The following ADCYAP1R1 variants were observed in gnomAD, a reference collection of about 807,000 sequenced individuals.
ADCYAP1R1 encodes ADCYAP receptor type I, also known as pituitary adenylate cyclase-activating polypeptide type I receptor.
ADCYAP1R1 carries 44 observed loss-of-function variants against 67.6 expected under a neutral mutation model. The observed-to-expected ratio is 0.65, with a 90% CI of 0.51 to 0.84. The LOEUF (loss-of-function observed/expected upper bound fraction) is 0.84, where lower values mean the gene tolerates loss of function less well. Ranked by LOEUF, ADCYAP1R1 falls within the 40% of genes least tolerant of loss-of-function variation. The pLI, the probability that ADCYAP1R1 is intolerant of heterozygous loss-of-function variation, is 0.00. For synonymous variants in ADCYAP1R1, 222 were observed against 219.6 expected (o/e 1.01, Z -0.10); for missense variants, 477 against 587.9 (o/e 0.81, Z 1.95).
intron 13 of ADCYAP1R1, among the ~76,000 whole-genome samples, chr7:31,101,320 C>G (rs1392587789): frequency 6.6e-6 from 1 of 152,168 alleles, no homozygotes; most frequent in Admixed American, 6.5e-5. Flanking sequence ...AATTCCACCA[C>G]AGAAGCTGGA....
chr7:31,055,366 C>A (rs962762954), intron 1 of ADCYAP1R1, among the ~76,000 whole-genome samples: 1 of 151,484 alleles, frequency 6.6e-6, no homozygotes, highest in South Asian at 2.1e-4. Flanking sequence ...TGTGCACGCG[C>A]GTGTTGCATA....
intron 1 of ADCYAP1R1, among the ~76,000 whole-genome samples, chr7:31,061,421 C>G (rs1794496447): frequency 6.6e-6 from 1 of 152,212 alleles, no homozygotes; most frequent in Admixed American, 6.5e-5. Flanking sequence ...CTGTGGCCAC[C>G]AGGGGCGTGG....
intron 1 of ADCYAP1R1, among the ~76,000 whole-genome samples, chr7:31,062,281 GT>G (rs1794538040): frequency 6.6e-6 from 1 of 152,040 alleles, no homozygotes; most frequent in Non-Finnish European, 1.5e-5. Flanking sequence ...TGTCTCTCTG[GT>G]CCCCACCAGT....
intron 3 of ADCYAP1R1, among the ~76,000 whole-genome samples, chr7:31,068,538 G>C (rs1030787387): frequency 8.5e-5 from 13 of 152,194 alleles, no homozygotes; most frequent in Admixed American, 8.5e-4. Context: ...CTGGAAAGAG[G>C]CCTTGGGAGA....
chr7:31,076,081 G>A (rs1795199405), intron 3 of ADCYAP1R1, among the ~76,000 whole-genome samples: 1 of 152,214 alleles, frequency 6.6e-6, no homozygotes, highest in Non-Finnish European at 1.5e-5. Flanking sequence ...CAGGCAACTA[G>A]CTGTGGGCTC....
intron 12 of ADCYAP1R1, 39 bp downstream of exon 12, chr7:31,087,735 G>T (rs1018076626): frequency 6.4e-7 from 1 of 1,573,972 alleles, no homozygotes; most frequent in African/African-American, 1.4e-5. Context: ...GAAGAGACAG[G>T]GTCTTGGGCA....
Position 31,106,642 on chromosome 7 carries a change from A to T in ADCYAP1R1, c.1365A>T (p.Gln455His), listed in dbSNP as rs372202268. 6.2e-7 allele frequency: 1 copy of T among 1,612,862 alleles called. No individual in the cohort carries two copies. The highest frequency in any genetic ancestry group is 1.3e-5 in the African/African-American group (1 of 75,030). The change falls in exon 16 of 16, where the codon CAA becomes CAT. Residue 455 changes from glutamine (Q) to histidine (H), a missense_variant. Physicochemically the swap from Gln to His is conservative, Grantham distance 24 (BLOSUM62 0). Coordinates refer to ENST00000304166, the MANE Select transcript of ADCYAP1R1 (RefSeq NM_001118.5). ...CCATCCTGAGCAAGAGCAGCTCCCA[A>T]ATCCGCATGTCTGGCCTCCCTGCTG... Reference protein sequence around the residue: ...QLSILSKSSSQIRMSGLPADN... With the variant: ...QLSILSKSSSHIRMSGLPADN...
chr7:31,071,720 C>A (rs1794988823), intron 3 of ADCYAP1R1, among the ~76,000 whole-genome samples: 1 of 152,164 alleles, frequency 6.6e-6, no homozygotes, highest in Non-Finnish European at 1.5e-5. Flanking sequence ...ACTAGAAAAA[C>A]CATCCATGTC....
chr7:31,064,396 A>G (rs1562629048), intron 2 of ADCYAP1R1, among the ~76,000 whole-genome samples: 1 of 152,226 alleles, frequency 6.6e-6, no homozygotes, highest in Non-Finnish European at 1.5e-5. Flanking sequence ...CTACTGAGCC[A>G]TATGACTTTG....
Position 31,103,862 on chromosome 7 carries a change from A to G in ADCYAP1R1, c.1176+496A>G, listed in dbSNP as rs140047875. Among the ~76,000 whole-genome samples the G allele has an allele frequency of 2.6e-5, 4 of 152,234 alleles. No homozygotes were observed. The East Asian group carries it at 7.7e-4, about 29-fold the overall frequency. On this transcript the variant is annotated intron_variant, in intron 14 of 15. Transcript: ENST00000304166. Reference sequence around the variant, plus strand: ...TGCTGCCTTAGTGCCTGGAGGAAGGAGTGGATGGACTGGAAATGAGTAAGG... The same window carrying G: ...TGCTGCCTTAGTGCCTGGAGGAAGGGGTGGATGGACTGGAAATGAGTAAGG...
chr7:31,056,251 TG>T (rs1202767122), intron 1 of ADCYAP1R1, among the ~76,000 whole-genome samples: 1 of 151,998 alleles, frequency 6.6e-6, no homozygotes, highest in African/African-American at 2.4e-5. Context: ...CTGGAGGTGG[TG>T]GTGGGGGTTT....
At position 31,052,526 on chromosome 7, in the gene ADCYAP1R1, C is replaced by A. The variant is rs1794054579; in HGVS notation, c.-224C>A. The A allele has an allele frequency of 6.6e-6, 1 of 150,880 alleles. No homozygotes were observed. Among genetic ancestry groups the A allele is most frequent in the South Asian group, 2.1e-4 (1 of 4,832 alleles). 9.3% of individuals were successfully genotyped at this position (150,880 alleles called of 1,614,324 possible). ...CGCAGGGACACACGGACCCCGGCCGCCAGCCGGCCACACAGGCGCGGAGAC... is the reference window on the plus strand; with the variant it reads ...CGCAGGGACACACGGACCCCGGCCGACAGCCGGCCACACAGGCGCGGAGAC... On this transcript the variant is annotated 5_prime_UTR_variant, in exon 1 of 16. Coordinates refer to ENST00000304166, the MANE Select transcript of ADCYAP1R1 (RefSeq NM_001118.5).
In ADCYAP1R1 at chr7:31,100,238, C is replaced by T. The variant is rs766805603; in HGVS notation, c.1047-2999C>T. The T allele has an allele frequency of 9.2e-5, 143 of 1,548,510 alleles. 2 individuals are homozygous for T. Among genetic ancestry groups the T allele is most frequent in the South Asian group, 7.7e-4 (65 of 83,984 alleles). On this transcript the variant is annotated intron_variant, in intron 13 of 15. Coordinates refer to ENST00000304166, the MANE Select transcript of ADCYAP1R1 (RefSeq NM_001118.5). ...AAGTGTGCGTGGCCGAGGCTGTGGC[C>T]GGGAATCCTGGAGGGGTGGGGGACG...
At chr7:31,057,702 C>A (rs1291741324) in intron 1 of ADCYAP1R1, among the ~76,000 whole-genome samples, 1 of 152,208 alleles carries the variant, frequency 6.6e-6, no homozygotes, top group Non-Finnish European at 1.5e-5. Context: ...TCTGTCCCTC[C>A]CTTTGAGGGG....
intron 6 of ADCYAP1R1, among the ~76,000 whole-genome samples, chr7:31,082,876 T>C (rs1376252752): frequency 2.6e-5 from 4 of 152,282 alleles, no homozygotes; most frequent in African/African-American, 9.6e-5. Flanking sequence ...AGTTCATTTC[T>C]GACTTTCTTG....
At chr7:31,075,610 G>A (rs887703) in intron 3 of ADCYAP1R1, among the ~76,000 whole-genome samples, 89,721 of 151,838 alleles carry the variant, frequency 0.59, 27,221 homozygotes, top group East Asian at 0.75. Flanking sequence ...GAGCTGTCTC[G>A]TCCCATGGCC....
intron 13 of ADCYAP1R1, among the ~76,000 whole-genome samples, chr7:31,097,829 T>C (rs1246438287): frequency 6.6e-6 from 1 of 152,036 alleles, no homozygotes; most frequent in Non-Finnish European, 1.5e-5. Context: ...GGGGGTCTCC[T>C]GGACCCTGAT....
At chr7:31,083,048 G>T (rs1378238418) in intron 6 of ADCYAP1R1, among the ~76,000 whole-genome samples, 1 of 152,280 alleles carries the variant, frequency 6.6e-6, no homozygotes. Flanking sequence ...TGGCCACAGA[G>T]GGGAGGTTTC....
chr7:31,094,602 A>G (rs772727430), intron 13 of ADCYAP1R1, among the ~76,000 whole-genome samples: 47 of 151,762 alleles, frequency 3.1e-4, no homozygotes, highest in Non-Finnish European at 8.8e-5. Flanking sequence ...AGCTTTCCCT[A>G]CTAAATAGGA....
Sources: allele counts gnomAD v4.1 joint callset (sites outside exome capture counted in the v4.1 genomes callset), GRCh38; gene constraint gnomAD v4.1.1; transcripts MANE v1.5; gene names NCBI Gene and HGNC (gene_info 2026-07-23, HGNC 2026-07-21).